Variants in FRAS1 observed in about 807,000 individuals in gnomAD.
FRAS1 encodes the protein extracellular matrix organizing protein FRAS1.
A neutral mutation model predicts 435.2 loss-of-function variants in FRAS1; 290 were observed. That is an observed-to-expected ratio of 0.67 (90% CI 0.61 to 0.73). The LOEUF (loss-of-function observed/expected upper bound fraction) is 0.73, where lower values mean the gene tolerates loss of function less well. Among genes scored for constraint, FRAS1 ranks in the 30% least tolerant of loss-of-function variants. The pLI, the probability that FRAS1 is intolerant of heterozygous loss-of-function variation, is 0.00. For missense variants in FRAS1, 4,860 were observed against 5,001.5 expected (o/e 0.97, Z 0.85); for synonymous variants, 1,800 against 1,851.0 (o/e 0.97, Z 0.71).
intron 2 of FRAS1, among the ~76,000 whole-genome samples, chr4:78,196,565 T>A (rs1722822393): frequency 6.6e-6 from 1 of 150,998 alleles, no homozygotes. Flanking sequence ...TTCTTCATCT[T>A]GTTGTTCAAA....
chr4:78,449,973 G>A (rs1172495036), intron 44 of FRAS1, among the ~76,000 whole-genome samples, 178 bp from the exon 45 acceptor site: 5 of 152,028 alleles, frequency 3.3e-5, no homozygotes, highest in South Asian at 2.1e-4. Flanking sequence ...TTGAAATGTC[G>A]GTACTCTTTC....
At chr4:78,220,970 C>A (rs1724027003) in intron 2 of FRAS1, among the ~76,000 whole-genome samples, 1 of 152,016 alleles carries the variant, frequency 6.6e-6, no homozygotes, top group African/African-American at 2.4e-5. Context: ...GCATTTGAGA[C>A]CAGTCTGGGT....
intron 35 of FRAS1, among the ~76,000 whole-genome samples, chr4:78,426,080 C>A (rs946770870): frequency 6.6e-6 from 1 of 152,036 alleles, no homozygotes; most frequent in Admixed American, 6.5e-5. Flanking sequence ...CAGAGTTAGA[C>A]CCTGTCTCAA....
At chr4:78,528,362 G>A (rs1275704187) in intron 70 of FRAS1, among the ~76,000 whole-genome samples, 1 of 152,142 alleles carries the variant, frequency 6.6e-6, no homozygotes, top group Non-Finnish European at 1.5e-5. Context: ...AGACAAGATA[G>A]GGAACATATC....
chr4:78,069,502 C>A (rs1357312768), intron 2 of FRAS1, among the ~76,000 whole-genome samples: 2 of 152,162 alleles, frequency 1.3e-5, no homozygotes, highest in African/African-American at 4.8e-5. Flanking sequence ...TCAGACACAC[C>A]TGGTTTTGAC....
intron 4 of FRAS1, among the ~76,000 whole-genome samples, chr4:78,249,551 G>A (rs1466990881): frequency 6.6e-6 from 1 of 151,958 alleles, no homozygotes; most frequent in African/African-American, 2.4e-5. Flanking sequence ...TTGAACTCCT[G>A]ACCTCAAGTG....
intron 69 of FRAS1, among the ~76,000 whole-genome samples, chr4:78,526,120 AATAAAAGCTGCTTTTCCATTTGGGAATGC>A (rs1398902568): frequency 6.6e-6 from 1 of 152,196 alleles, no homozygotes; most frequent in Admixed American, 6.5e-5. Context: ...CATCTTCAGA[AATAAAAGCTGCTTTTCCATTTGGGAATGC>A]ATTGAATAGG....
intron 2 of FRAS1, among the ~76,000 whole-genome samples, chr4:78,148,773 G>A (rs1400512293): frequency 6.6e-6 from 1 of 152,114 alleles, no homozygotes; most frequent in Admixed American, 6.5e-5. Context: ...CTTTTAAGTG[G>A]ATCCATCCTG....
At chr4:78,218,528 G>A (rs780472247) in intron 2 of FRAS1, among the ~76,000 whole-genome samples, 8 of 152,184 alleles carry the variant, frequency 5.3e-5, no homozygotes, top group Admixed American at 2.0e-4. Context: ...ACTGTTTGTC[G>A]TATGATATCT....
intron 2 of FRAS1, among the ~76,000 whole-genome samples, chr4:78,072,853 G>C (rs552600209): frequency 1.3e-5 from 2 of 152,012 alleles, no homozygotes; most frequent in Admixed American, 6.6e-5. Flanking sequence ...CATAAATTTA[G>C]CAAGGTAATG....
At chr4:78,300,033 G>A (rs990708553) in intron 14 of FRAS1, among the ~76,000 whole-genome samples, 3 of 152,134 alleles carry the variant, frequency 2.0e-5, no homozygotes, top group African/African-American at 4.8e-5. Flanking sequence ...TTGTTTGTTT[G>A]TTTTGGTAAT....
At chr4:78,217,996 C>G (rs1375584512) in intron 2 of FRAS1, among the ~76,000 whole-genome samples, 2 of 4,156 alleles carry the variant, frequency 4.8e-4, no homozygotes, top group African/African-American at 2.2e-3. Context: ...CTTCCCCTCC[C>G]CTTCCCCTCC....
At chr4:78,114,221 G>C (rs1325310764) in intron 2 of FRAS1, among the ~76,000 whole-genome samples, 15 of 152,234 alleles carry the variant, frequency 9.9e-5, no homozygotes, top group Non-Finnish European at 2.1e-4. Context: ...ATGCTGTTTT[G>C]GTTACTGTAG....
chr4:78,405,777 C>G (rs1233249868), intron 30 of FRAS1, among the ~76,000 whole-genome samples: 1 of 152,228 alleles, frequency 6.6e-6, no homozygotes, highest in Non-Finnish European at 1.5e-5. Flanking sequence ...CTCCCACTAT[C>G]AGAGTGTTAG....
chr4:78,268,500 C>A (rs2110157409), intron 9 of FRAS1, among the ~76,000 whole-genome samples: 1 of 152,304 alleles, frequency 6.6e-6, no homozygotes, highest in East Asian at 1.9e-4. Flanking sequence ...TAATCAGGGC[C>A]CTTTTTTGTT....
chr4:78,335,318 C>T (rs114856896), intron 19 of FRAS1, among the ~76,000 whole-genome samples: 1 of 152,190 alleles, frequency 6.6e-6, no homozygotes, highest in South Asian at 2.1e-4. Context: ...CAATCTCTTA[C>T]TCTATGAGGC....
At chr4:78,120,650 G>A (rs1455002841) in intron 2 of FRAS1, among the ~76,000 whole-genome samples, 1 of 152,118 alleles carries the variant, frequency 6.6e-6, no homozygotes, top group African/African-American at 2.4e-5. Flanking sequence ...TAGTGTGGCT[G>A]TCCACAGTAA....
In FRAS1 at chr4:78,057,449, G is replaced by T. The variant is rs141834118; in HGVS notation, c.-561G>T. On this transcript the variant is annotated 5_prime_UTR_variant, in exon 1 of 74. Coordinates refer to ENST00000512123, the MANE Select transcript of FRAS1 (RefSeq NM_025074.7). The surrounding 1 kb of genome is among the most constrained non-coding windows in gnomAD (Gnocchi z 4.2). ...AGCGCTGCACAGTTTCCAGCGAGCG[G>T]ACCCCGGCAGATGAGGTCTGCCGAG... 7.0e-4 allele frequency: 108 copies of T among 153,536 alleles called. No homozygotes were observed. The Middle Eastern group carries it at 0.013, about 19-fold the overall frequency. The allele number at this position is 153,536 out of a possible 1,614,324, so 9.5% of individuals were successfully genotyped here.
intron 6 of FRAS1, among the ~76,000 whole-genome samples, chr4:78,262,067 C>G (rs1726134269): frequency 6.6e-6 from 1 of 152,132 alleles, no homozygotes. Flanking sequence ...AGCATGCCAC[C>G]TAATCCAAGG....
Sources: gnomAD v4.1 joint callset for allele counts (sites outside exome capture counted in the v4.1 genomes callset) on GRCh38, gnomAD v4.1.1 for gene constraint, Gnocchi (gnomAD v3.1) non-coding constraint, MANE v1.5 for transcripts, NCBI Gene and HGNC (gene_info 2026-07-23, HGNC 2026-07-21) for gene names.